DGKB: variants seen among roughly 807,000 people sequenced by gnomAD.
DGKB encodes diacylglycerol kinase beta.
Under a neutral mutation model 114.3 loss-of-function variants are expected in DGKB, and 67 were observed. The observed-to-expected ratio is 0.59, with a 90% CI of 0.48 to 0.72. The LOEUF (loss-of-function observed/expected upper bound fraction) is 0.72, where lower values mean the gene tolerates loss of function less well. Ranked by LOEUF, DGKB falls within the 30% of genes least tolerant of loss-of-function variation. DGKB has a pLI of 0.00. For synonymous variants in DGKB, 398 were observed against 323.1 expected (o/e 1.23, Z -2.49); for missense variants, 907 against 975.2 (o/e 0.93, Z 0.93).
At chr7:14,764,637 C>G (rs1479869327) in intron 2 of DGKB, among the ~76,000 whole-genome samples, 1 of 151,842 alleles carries the variant, frequency 6.6e-6, no homozygotes, top group Non-Finnish European at 1.5e-5. Context: ...AATCACTGCT[C>G]TGATCCTTAA....
intron 21 of DGKB, among the ~76,000 whole-genome samples, chr7:14,443,669 G>A (rs992421201): frequency 6.6e-5 from 10 of 151,946 alleles, no homozygotes; most frequent in Non-Finnish European, 1.3e-4. Context: ...GAACTTTAAA[G>A]GTTCTCTCAT....
In DGKB at chr7:14,621,994, C is replaced by T. The variant is rs117553422; in HGVS notation, c.1168-500G>A. On this transcript the variant is annotated intron_variant, in intron 14 of 25. Coordinates refer to ENST00000402815, the MANE Select transcript of DGKB (RefSeq NM_001350709.2). The stretch of plus-strand genomic sequence containing the variant: ...CATCCCAGCTAATTACTTTGTTCCT[C>T]ATAGTAAAAAAATTTCTTTTAGGAG... Among the ~76,000 whole-genome samples, 416 of 152,172 alleles carry T rather than the reference C, an allele frequency of 2.7e-3. 9 individuals carry two copies. The East Asian group carries it at 0.069, about 25-fold the overall frequency.
At chr7:14,848,355 C>T (rs974453200) in intron 1 of DGKB, among the ~76,000 whole-genome samples, 2 of 152,082 alleles carry the variant, frequency 1.3e-5, no homozygotes, top group Non-Finnish European at 2.9e-5. Context: ...AAACAATTTC[C>T]AAATACTAGA....
intron 21 of DGKB, among the ~76,000 whole-genome samples, chr7:14,430,474 A>G (rs1317239540): frequency 3.3e-5 from 5 of 152,162 alleles, no homozygotes; most frequent in Non-Finnish European, 7.4e-5. Flanking sequence ...TGGTCCATTA[A>G]TTTTATCCAG....
chr7:14,249,656 T>G (rs1794952016), intron 23 of DGKB, among the ~76,000 whole-genome samples: 1 of 152,172 alleles, frequency 6.6e-6, no homozygotes, highest in Admixed American at 6.5e-5. Context: ...CTTATGATCC[T>G]TTGAATTTCT....
rs1584195841 is a variant in DGKB, at chr7:14,470,856, C to G, written c.1835+7305G>C. Among the ~76,000 whole-genome samples the G allele has an allele frequency of 2.0e-5, 3 of 151,530 alleles. No individual in the cohort carries two copies. In the East Asian group the frequency reaches 5.8e-4, roughly 29 times the overall value. ...CAGAATATATCATCATGATGTAAGA[C>G]AATTTGAATTGCTCTGGAACTTCAA... On this transcript the variant is annotated intron_variant, in intron 21 of 25. Coordinates refer to ENST00000402815, the MANE Select transcript of DGKB (RefSeq NM_001350709.2).
At chr7:14,943,637 A>AACACACACACACACACACACACAC (rs563726736) in intron 1 of DGKB, among the ~76,000 whole-genome samples, 21 of 151,582 alleles carry the variant, frequency 1.4e-4, no homozygotes, top group Admixed American at 1.3e-3. Flanking sequence ...TTTGAAGTGA[A>AACACACACACACACACACACACAC]ACACACACAC....
intron 4 of DGKB, among the ~76,000 whole-genome samples, chr7:14,747,274 C>T: frequency 6.6e-6 from 1 of 150,664 alleles, no homozygotes; most frequent in Non-Finnish European, 1.5e-5. Context: ...CTCACTGCAG[C>T]CTCAATCTCC....
intron 2 of DGKB, among the ~76,000 whole-genome samples, chr7:14,785,148 AT>A (rs1440182440): frequency 1.3e-5 from 2 of 152,160 alleles, no homozygotes; most frequent in African/African-American, 4.8e-5. Context: ...TTTTACACTT[AT>A]TTTATCACAT....
At chr7:14,304,342 G>A (rs1585031515) in intron 23 of DGKB, among the ~76,000 whole-genome samples, 1 of 151,828 alleles carries the variant, frequency 6.6e-6, no homozygotes, top group African/African-American at 2.4e-5. Context: ...TTATATTGCG[G>A]TGTTTTATAG....
intron 20 of DGKB, among the ~76,000 whole-genome samples, chr7:14,554,577 T>C (rs894403782): frequency 1.3e-5 from 2 of 152,148 alleles, no homozygotes; most frequent in Non-Finnish European, 2.9e-5. Flanking sequence ...TTTTAATAGA[T>C]ACTATCACAT....
At chr7:14,167,118 T>A (rs10275767) in intron 25 of DGKB, among the ~76,000 whole-genome samples, 1 of 151,378 alleles carries the variant, frequency 6.6e-6, no homozygotes, top group Non-Finnish European at 1.5e-5. Context: ...GGCTGAGGCA[T>A]GAGAATTGCT....
At chr7:14,460,760 A>G (rs898714317) in intron 21 of DGKB, among the ~76,000 whole-genome samples, 1 of 152,200 alleles carries the variant, frequency 6.6e-6, no homozygotes, top group Non-Finnish European at 1.5e-5. Flanking sequence ...TGGACCTAAT[A>G]GACATCTACA....
chr7:14,784,850 C>G (rs1839651960), intron 2 of DGKB, among the ~76,000 whole-genome samples: 1 of 150,696 alleles, frequency 6.6e-6, no homozygotes, highest in African/African-American at 2.4e-5. Context: ...GTTTTTTTGG[C>G]CTTTGGGAAT....
At chr7:14,725,161 T>C (rs560210585) in intron 5 of DGKB, among the ~76,000 whole-genome samples, 19 of 152,276 alleles carry the variant, frequency 1.2e-4, no homozygotes, top group African/African-American at 3.6e-4. Context: ...CAGAGCAAGA[T>C]TCTGTCTCTT....
intron 21 of DGKB, among the ~76,000 whole-genome samples, chr7:14,383,058 T>C (rs1034388849): frequency 2.6e-5 from 4 of 152,208 alleles, no homozygotes; most frequent in Non-Finnish European, 2.9e-5. Flanking sequence ...TCCTTCTCCT[T>C]TTCTTTTGGA....
At chr7:14,279,029 G>C (rs1162847322) in intron 23 of DGKB, among the ~76,000 whole-genome samples, 1 of 152,262 alleles carries the variant, frequency 6.6e-6, no homozygotes, top group African/African-American at 2.4e-5. Context: ...TGCACGCACC[G>C]TGAGCGAGCC....
At chr7:14,421,683 G>T (rs1275285953) in intron 21 of DGKB, among the ~76,000 whole-genome samples, 2 of 151,988 alleles carry the variant, frequency 1.3e-5, no homozygotes, top group East Asian at 3.9e-4. Flanking sequence ...ATTTTATTGG[G>T]TAGAGTACTT....
intron 1 of DGKB, among the ~76,000 whole-genome samples, chr7:14,886,372 G>C (rs754432169): frequency 2.0e-5 from 3 of 151,786 alleles, no homozygotes; most frequent in Non-Finnish European, 2.9e-5. Context: ...GAAAAATCTA[G>C]TAGGAGATGA....
Sources: gnomAD v4.1 joint callset for allele counts (sites outside exome capture counted in the v4.1 genomes callset) on GRCh38, gnomAD v4.1.1 for gene constraint, MANE v1.5 for transcripts, NCBI Gene and HGNC (gene_info 2026-07-23, HGNC 2026-07-21) for gene names.